ABCA3: variants seen among roughly 807,000 people sequenced by gnomAD.
ABCA3 encodes the protein ATP binding cassette subfamily A member 3.
ABCA3 carries 88 observed loss-of-function variants against 172.8 expected under a neutral mutation model. The ratio of observed to expected loss-of-function variants is 0.51; its 90% CI spans 0.43 to 0.61. The LOEUF is 0.61. ABCA3 is among the 20% of genes least tolerant of loss of function. ABCA3 has a pLI of 0.00. For missense variants in ABCA3, 2,164 were observed against 2,301.0 expected (o/e 0.94, Z 1.22); for synonymous variants, 1,066 against 983.8 (o/e 1.08, Z -1.56).
Position 2,276,049 on chromosome 16 carries a change from T to G in ABCA3, c.*625A>C. ...TCGAGCCTGGCCACCTTCCCTCCTG[T>G]GCCGGCTGCTTCTAGGAGATGCTGT... On this transcript the variant is annotated 3_prime_UTR_variant, in exon 33 of 33. Coordinates refer to ENST00000301732, the MANE Select transcript of ABCA3 (RefSeq NM_001089.3). 3.4e-6 allele frequency: 1 copy of G among 290,204 alleles called. No individual in the cohort carries two copies. The highest frequency in any genetic ancestry group is 6.8e-6 in the Non-Finnish European group (1 of 146,388). 18.0% of individuals were successfully genotyped at this position (290,204 alleles called of 1,614,324 possible). A position where few individuals can be genotyped will look rare whatever the true frequency, so the allele number is the denominator to read the frequency against.
rs1234499512 is a variant in ABCA3 at position 2,277,980 on chromosome 16, C to T, written c.4808G>A (p.Ser1603Asn). The change falls in exon 31 of 33, where the codon AGC (serine) becomes AAC (asparagine). Residue 1603 changes from serine to asparagine, a missense_variant. Coordinates refer to ENST00000301732, the MANE Select transcript of ABCA3 (RefSeq NM_001089.3). This position sits in a 1 kb window ranked among gnomAD's most constrained non-coding sequence, Gnocchi z 5.3. ...CAGGGAGTAGCCGCTGCCGAACTTG[C>T]TCTTGAGGTGCTGGGGGCTGCCCAG... Reference protein sequence around the residue: ...KCLGSPQHLKSKFGSGYSLRA... With the variant: ...KCLGSPQHLKNKFGSGYSLRA... 5.6e-6 allele frequency: 9 copies of T among 1,613,074 alleles called. No homozygotes were observed. The highest frequency in any genetic ancestry group is 1.7e-5 in the Admixed American group (1 of 59,994).
chr16:2,318,951 G>A (rs1212738345), intron 8 of ABCA3, among the ~76,000 whole-genome samples: 1 of 150,556 alleles, frequency 6.6e-6, no homozygotes, highest in South Asian at 2.1e-4. Flanking sequence ...CTGCATATGT[G>A]CACACTTTTT....
At chr16:2,317,221 T>C in intron 10 of ABCA3, 62 bp downstream of exon 10, 1 of 1,608,186 alleles carries the variant, frequency 6.2e-7, no homozygotes, top group Non-Finnish European at 8.5e-7. Context: ...CTCTGGGTTA[T>C]TTCCATGCAG....
chr16:2,295,615 T>A lies in ABCA3; in HGVS notation c.2389A>T (p.Ile797Phe), dbSNP rs771737921. The A allele has an allele frequency of 1.9e-6, 3 of 1,613,720 alleles. No homozygotes were observed. Among genetic ancestry groups the A allele is most frequent in the Non-Finnish European group, 1.7e-6 (2 of 1,180,036 alleles). ...ESSAGAELSFILPRESTHRFE... is the reference protein window; with the variant it reads ...ESSAGAELSFFLPRESTHRFE... ...CTGTGCGTGCTCTCTCTGGGAAGGA[T>A]GAAAGACAGCTCGGCCCCAGCGCTG... Residue 797 changes from isoleucine (I) to phenylalanine (F), a missense_variant, in exon 18 of 33, where the codon ATC (isoleucine) becomes TTC (phenylalanine). This residue lies in a region of ABCA3 where 1,343 missense variants were observed against 1,369.6 expected (regional missense o/e 0.98). Transcript: ENST00000301732.
At chr16:2,292,022 G>GAGATC (rs1468965828) in intron 19 of ABCA3, 118 bp downstream of exon 19, 3 of 778,278 alleles carry the variant, frequency 3.9e-6, no homozygotes, top group Non-Finnish European at 6.6e-6. Context: ...GCGGTGAGCC[G>GAGATC]AGATCGCACC....
chr16:2,329,919 G>A (rs1249929523), intron 1 of ABCA3, 65 bp from the exon 2 acceptor site: 3 of 152,206 alleles, frequency 2.0e-5, no homozygotes, highest in African/African-American at 7.2e-5. Flanking sequence ...CTCTTACCAA[G>A]TTAGAAAACA....
intron 10 of ABCA3, among the ~76,000 whole-genome samples, chr16:2,316,866 C>T (rs999055654): frequency 3.9e-5 from 6 of 152,140 alleles, no homozygotes; most frequent in African/African-American, 4.8e-5. Flanking sequence ...CTGAACCATC[C>T]GAGGTAAAAG....
At chr16:2,301,041 T>G (rs372478245) in intron 12 of ABCA3, among the ~76,000 whole-genome samples, 11 of 149,710 alleles carry the variant, frequency 7.3e-5, no homozygotes, top group African/African-American at 2.3e-4. Context: ...CCATCCTGGC[T>G]AACACGGTGA....
intron 19 of ABCA3, among the ~76,000 whole-genome samples, 166 bp from the exon 20 acceptor site, chr16:2,289,786 A>G (rs2093669020): frequency 6.6e-6 from 1 of 152,084 alleles, no homozygotes; most frequent in Non-Finnish European, 1.5e-5. Context: ...GCCACCATGC[A>G]CAGCTAATTT....
Position 2,279,412 on chromosome 16 carries a change from G to A in ABCA3, c.4360-282C>T, listed in dbSNP as rs1004418058. 1.3e-5 allele frequency among the ~76,000 whole-genome samples: 2 copies of A among 152,226 alleles called. No homozygotes were observed. Among genetic ancestry groups the A allele is most frequent in the East Asian group, 1.9e-4 (1 of 5,200 alleles). ...ACAGGCAGCCATGGGGTTAGGTGGT[G>A]CAAGAATGGCCTTTACGTAGAAGCA... On this transcript the variant is annotated intron_variant, in intron 28 of 32. Transcript: ENST00000301732. The surrounding 1 kb of genome is among the most constrained non-coding windows in gnomAD (Gnocchi z 4.4).
chr16:2,314,330 T>C (rs1288952273), intron 10 of ABCA3, among the ~76,000 whole-genome samples: 1 of 151,912 alleles, frequency 6.6e-6, no homozygotes, highest in African/African-American at 2.4e-5. Context: ...AGATGAACCT[T>C]GGGGATGCTA....
rs1005586016 is a variant in ABCA3, at chr16:2,324,434, G to C, written c.417C>G (p.Phe139Leu). The change falls in exon 6 of 33, where the codon TTC (phenylalanine) becomes TTG (leucine). Residue 139 changes from phenylalanine to leucine, a missense_variant. Transcript: ENST00000301732. ...GCGGCAGGGGCTCCTTGCTGTGGTT[G>C]AAGGGGTGCTCGAAGACCACGGCGG... ...VLAAVVFEHP[F>L]NHSKEPLPLA... The C allele has an allele frequency of 2.5e-6, 4 of 1,605,682 alleles. No individual in the cohort carries two copies.
chr16:2,304,177 C>T (rs950106453), intron 11 of ABCA3, 27 bp from the exon 12 acceptor site: 19 of 1,613,802 alleles, frequency 1.2e-5, no homozygotes, highest in East Asian at 2.2e-5. Context: ...GAAAGTGGCC[C>T]GAAAGCCAGC....
At chr16:2,314,046 C>T (rs926064436) in intron 10 of ABCA3, among the ~76,000 whole-genome samples, 36 of 152,124 alleles carry the variant, frequency 2.4e-4, no homozygotes, top group African/African-American at 6.3e-4. Context: ...GGTGGGAATG[C>T]GCACCGGTGC....
intron 11 of ABCA3, among the ~76,000 whole-genome samples, chr16:2,306,288 G>A (rs1348167897): frequency 1.3e-5 from 2 of 152,004 alleles, no homozygotes; most frequent in Non-Finnish European, 2.9e-5. Context: ...TCATGCTACT[G>A]CACTCCAGCC....
intron 7 of ABCA3, among the ~76,000 whole-genome samples, chr16:2,322,774 C>T (rs2093728116): frequency 1.3e-5 from 2 of 152,090 alleles, no homozygotes; most frequent in African/African-American, 4.8e-5. Flanking sequence ...ACACGAAAAG[C>T]AATGGCAACA....
chr16:2,307,850 C>G (rs558869337), intron 11 of ABCA3, among the ~76,000 whole-genome samples: 2 of 152,252 alleles, frequency 1.3e-5, no homozygotes, highest in East Asian at 3.9e-4. Context: ...CGTGATCCAC[C>G]GGCCTCAGCC....
In ABCA3 at chr16:2,287,056, A is replaced by G. The variant is rs918309936; in HGVS notation, c.3005-89T>C. ...CTGAGCATGGCTAATCAGGGACCCAATAGAGTGGTGCCAGCATCCTCTGAG... is the reference window on the plus strand; with the variant it reads ...CTGAGCATGGCTAATCAGGGACCCAGTAGAGTGGTGCCAGCATCCTCTGAG... On this transcript the variant is annotated intron_variant, in intron 21 of 32. Transcript: ENST00000301732. This position sits in a 1 kb window ranked among gnomAD's most constrained non-coding sequence, Gnocchi z 4.1. The G allele has an allele frequency of 1.4e-6, 2 of 1,459,676 alleles. No individual in the cohort carries two copies. Among genetic ancestry groups the G allele is most frequent in the Admixed American group, 2.0e-5 (1 of 51,012 alleles). The allele number at this position is 1,459,676 out of a possible 1,614,324, so 90.4% of individuals were successfully genotyped here. A position where few individuals can be genotyped will look rare whatever the true frequency, so the allele number is the denominator to read the frequency against.
intron 28 of ABCA3, 127 bp downstream of exon 28, chr16:2,280,900 G>A (rs1048803367): frequency 3.2e-6 from 4 of 1,252,466 alleles, no homozygotes; most frequent in Non-Finnish European, 4.6e-6. Context: ...AGAGGCATGT[G>A]CTGGGCCCAT....
Sources: gnomAD v4.1 joint callset for allele counts (sites outside exome capture counted in the v4.1 genomes callset) on GRCh38, gnomAD v4.1.1 for gene constraint, gnomAD v4.1.1 regional missense constraint, Gnocchi (gnomAD v3.1) non-coding constraint, MANE v1.5 for transcripts, NCBI Gene and HGNC (gene_info 2026-07-23, HGNC 2026-07-21) for gene names.